The following LRP2BP variants were observed in gnomAD, a reference collection of about 807,000 sequenced individuals.
LRP2BP encodes LRP2 binding protein, also known as LRP2-binding protein.
In LRP2BP, 38 loss-of-function variants were observed where a neutral mutation model predicts 45.2. The observed-to-expected ratio is 0.84, with a 90% CI of 0.65 to 1.10. The LOEUF (loss-of-function observed/expected upper bound fraction) is 1.10. Ranked by LOEUF, LRP2BP falls within the 50% of genes least tolerant of loss-of-function variation. The pLI is 0.00. For synonymous variants in LRP2BP, 153 were observed against 153.9 expected (o/e 0.99, Z 0.04); for missense variants, 385 against 418.9 (o/e 0.92, Z 0.71).
chr4:185,389,346 T>C (rs745966222), intron 1 of LRP2BP, among the ~76,000 whole-genome samples: 7 of 151,942 alleles, frequency 4.6e-5, no homozygotes, highest in Non-Finnish European at 8.8e-5. Flanking sequence ...GTAGCTGGGA[T>C]TGCAGGCGCA....
chr4:185,376,732 C>T (rs2095439286), intron 3 of LRP2BP, among the ~76,000 whole-genome samples, 177 bp downstream of exon 3: 2 of 152,108 alleles, frequency 1.3e-5, no homozygotes, highest in African/African-American at 4.8e-5. Flanking sequence ...GAAGAAAAGT[C>T]AGGTAGCTCC....
chr4:185,377,064 T>C, intron 2 of LRP2BP, 46 bp from the exon 3 acceptor site: 206 of 1,183,348 alleles, frequency 1.7e-4, no homozygotes, highest in Non-Finnish European at 2.4e-4. Flanking sequence ...ACAATATGAA[T>C]TTTCTCTCTT....
chr4:185,377,878 ACTAT>A (rs1295839758), intron 2 of LRP2BP, 199 bp downstream of exon 2: 1 of 507,552 alleles, frequency 2.0e-6, no homozygotes, highest in Non-Finnish European at 3.5e-6. Context: ...TCAAGACCTA[ACTAT>A]CTGTGAGACC....
At chr4:185,382,599 T>C (rs188576425) in intron 1 of LRP2BP, among the ~76,000 whole-genome samples, 1 of 152,358 alleles carries the variant, frequency 6.6e-6, no homozygotes, top group Non-Finnish European at 1.5e-5. Flanking sequence ...ATTTCTCTAA[T>C]GAAAAATCAT....
intron 1 of LRP2BP, among the ~76,000 whole-genome samples, chr4:185,380,459 G>T (rs1315096440): frequency 6.6e-6 from 1 of 152,058 alleles, no homozygotes; most frequent in Non-Finnish European, 1.5e-5. Flanking sequence ...GTGGTTTCTG[G>T]TGATGTCTGG....
In LRP2BP at chr4:185,365,259, G is replaced by A. The variant is rs1035329121; in HGVS notation, c.*1921C>T. ...TAGCATGTTACCATGTATGGCACAC[G>A]TCAAAGTTTATGATTTCTGAAACCC... is the stretch of plus-strand genomic sequence containing the variant. On this transcript the variant is annotated 3_prime_UTR_variant, in exon 9 of 9. Transcript: ENST00000505916. 2 of 152,154 alleles carry A rather than the reference G, an allele frequency of 1.3e-5. No homozygotes were observed. The highest frequency in any genetic ancestry group is 6.5e-5 in the Admixed American group (1 of 15,282). 9.4% of individuals were successfully genotyped at this position (152,154 alleles called of 1,614,324 possible).
intron 1 of LRP2BP, among the ~76,000 whole-genome samples, chr4:185,392,433 G>C (rs2095490591): frequency 6.6e-6 from 1 of 152,152 alleles, no homozygotes; most frequent in Non-Finnish European, 1.5e-5. Context: ...TCCCCAAGAA[G>C]TTTGAGTTAT....
intron 1 of LRP2BP, chr4:185,378,429 C>T: frequency 7.5e-7 from 1 of 1,326,426 alleles, no homozygotes; most frequent in South Asian, 1.8e-5. Context: ...TTTTCCACAG[C>T]ATCGCATTCA....
intron 4 of LRP2BP, 125 bp downstream of exon 4, chr4:185,375,488 A>AATATATATATATATATATATATG (rs2095431617): frequency 1.2e-4 from 1 of 8,606 alleles, no homozygotes; most frequent in Non-Finnish European, 2.2e-4. Context: ...AAAAAAAAAA[A>AATATATATATATATATATATATG]TATATATATA....
intron 1 of LRP2BP, among the ~76,000 whole-genome samples, chr4:185,389,504 C>G (rs1386028577): frequency 6.6e-6 from 1 of 152,070 alleles, no homozygotes; most frequent in Non-Finnish European, 1.5e-5. Context: ...GCCACCGTGC[C>G]CAGCCTAAAA....
chr4:185,385,778 G>A (rs1163183560), intron 1 of LRP2BP, among the ~76,000 whole-genome samples: 1 of 152,200 alleles, frequency 6.6e-6, no homozygotes, highest in East Asian at 1.9e-4. Flanking sequence ...GTAGGCGCCT[G>A]TAATCCCAGC....
chr4:185,367,794 A>G (rs1319880919), intron 8 of LRP2BP, among the ~76,000 whole-genome samples: 1 of 152,198 alleles, frequency 6.6e-6, no homozygotes, highest in Non-Finnish European at 1.5e-5. Flanking sequence ...TGCTTCCAGT[A>G]GCAGGAAGTT....
chr4:185,396,727 T>C, upstream of LRP2BP: 1 of 607,278 alleles, frequency 1.6e-6, no homozygotes, highest in Non-Finnish European at 2.9e-6. Flanking sequence ...CTGGACAGGG[T>C]CCGGGTCGTT....
At chr4:185,385,630 C>T (rs745762562) in intron 1 of LRP2BP, among the ~76,000 whole-genome samples, 11 of 152,166 alleles carry the variant, frequency 7.2e-5, no homozygotes, top group South Asian at 2.1e-4. Context: ...AGGCCAGGCG[C>T]GGTGGCTCAT....
chr4:185,386,819 C>T (rs1280211477), intron 1 of LRP2BP, among the ~76,000 whole-genome samples: 1 of 152,174 alleles, frequency 6.6e-6, no homozygotes, highest in African/African-American at 2.4e-5. Flanking sequence ...GCTGAGGCAC[C>T]AGCACTACGA....
At position 185,395,824 on chromosome 4, in the gene LRP2BP, T is replaced by G; in HGVS notation, c.-1067A>C. On this transcript the variant is annotated 5_prime_UTR_variant, in exon 1 of 9. The change abolishes an upstream ATG in the 5' untranslated region. Transcript: ENST00000505916. ...TTATTTCTCCGAGCTTTCAAAGGCATCAACAGAAGGGAATCACTAAAAATG... is the reference window on the plus strand; with the variant it reads ...TTATTTCTCCGAGCTTTCAAAGGCAGCAACAGAAGGGAATCACTAAAAATG... The G allele has an allele frequency of 1.0e-6, 1 of 985,398 alleles. No individual in the cohort carries two copies. Among genetic ancestry groups the G allele is most frequent in the Non-Finnish European group, 1.2e-6 (1 of 829,898 alleles). 61.0% of individuals were successfully genotyped at this position (985,398 alleles called of 1,614,324 possible).
At chr4:185,371,529 G>A (rs1252762988) in intron 7 of LRP2BP, among the ~76,000 whole-genome samples, 15 of 131,110 alleles carry the variant, frequency 1.1e-4, no homozygotes, top group East Asian at 4.4e-4. Context: ...GCAACAGAGC[G>A]AGACTCCGTC....
At chr4:185,396,861 G>T, upstream of LRP2BP, 5 of 1,557,874 alleles carry the variant, frequency 3.2e-6, no homozygotes, top group South Asian at 1.1e-5. Flanking sequence ...ACCTGTCGGG[G>T]TGCGGCGAGT....
upstream of LRP2BP, chr4:185,397,025 C>G (rs2095505325): frequency 6.2e-7 from 1 of 1,608,458 alleles, no homozygotes; most frequent in South Asian, 1.1e-5. Flanking sequence ...CTCGTTAATG[C>G]GGGGACGGAC....
Sources: allele counts gnomAD v4.1 joint callset (sites outside exome capture counted in the v4.1 genomes callset), GRCh38; gene constraint gnomAD v4.1.1; transcripts MANE v1.5; gene names NCBI Gene and HGNC (gene_info 2026-07-23, HGNC 2026-07-21).